SLC4A4: variants seen among roughly 807,000 people sequenced by gnomAD.
The protein encoded by SLC4A4 is solute carrier family 4 member 4, also known as electrogenic sodium bicarbonate cotransporter 1.
In SLC4A4, 27 loss-of-function variants were observed where a neutral mutation model predicts 111.5. The observed-to-expected ratio is 0.24, with a 90% confidence interval of 0.18 to 0.33. The LOEUF (loss-of-function observed/expected upper bound fraction) is 0.33. Ranked by LOEUF, SLC4A4 falls within the 10% of genes least tolerant of loss-of-function variation. The pLI is 1.00. For synonymous variants in SLC4A4, 443 were observed against 463.4 expected, an observed-to-expected ratio of 0.96 and a Z score of 0.57; for missense variants, 909 against 1,315.5, an observed-to-expected ratio of 0.69 and a Z score of 4.78.
intron 17 of SLC4A4, among the ~76,000 whole-genome samples, chr4:71,532,475 T>G (rs1167047497): frequency 1.3e-5 from 2 of 152,112 alleles, no homozygotes; most frequent in Admixed American, 1.3e-4. Context: ...ATATAATGAC[T>G]CTGGGAAATA....
At position 71,447,672 on chromosome 4, in the gene SLC4A4, A is replaced by G; in HGVS notation, c.992A>G (p.Lys331Arg). 1 of 1,612,610 alleles carries G rather than the reference A, an allele frequency of 6.2e-7. No individual in the cohort carries two copies. Among genetic ancestry groups the G allele is most frequent in the Non-Finnish European group, 8.5e-7 (1 of 1,178,900 alleles). The change falls in exon 9 of 26, where the codon AAG becomes AGG. Residue 331 changes from lysine to arginine, a missense_variant. Lys to Arg is a conservative substitution (Grantham distance 26, BLOSUM62 2). Transcript: ENST00000264485. ...TTCTTGTTCATTCTCTTAGGTCCTA[A>G]GGGGAAAGCCAAGTCCTACCACGAG... ...TRFLFILLGP[K>R]GKAKSYHEIG... is the part of the protein sequence containing the mutation.
intron 24 of SLC4A4, 129 bp from the exon 25 acceptor site, chr4:71,566,875 A>G: frequency 1.5e-6 from 1 of 658,212 alleles, no homozygotes. Flanking sequence ...TACCTTGTTT[A>G]TTGAAATGCC....
chr4:71,478,110 A>G (rs1728535568), intron 14 of SLC4A4, among the ~76,000 whole-genome samples: 1 of 151,922 alleles, frequency 6.6e-6, no homozygotes, highest in African/African-American at 2.4e-5. Context: ...AAAGTCAGGA[A>G]ATAGATGCTG....
intron 7 of SLC4A4, among the ~76,000 whole-genome samples, chr4:71,422,691 A>G (rs954099426): frequency 7.3e-5 from 11 of 151,460 alleles, no homozygotes; most frequent in African/African-American, 2.7e-4. Flanking sequence ...ATATACGCAA[A>G]TCAATAAATG....
intron 2 of SLC4A4, among the ~76,000 whole-genome samples, chr4:71,112,395 A>C (rs1395835458): frequency 1.3e-5 from 2 of 152,230 alleles, no homozygotes; most frequent in Admixed American, 1.3e-4. Flanking sequence ...AGTCGGGTTA[A>C]TTAGCATCAA....
chr4:71,097,410 T>C lies in SLC4A4; in HGVS notation c.-2+4618T>C, dbSNP rs548259528. ...ATGGTGTATATATACCACATTTTCT[T>C]TACCCATCTGTCACTGATGTGCATT... On this transcript the variant is annotated intron_variant, in intron 2 of 26. Coordinates refer to the SLC4A4 transcript ENST00000649996. 1.6e-3 allele frequency among the ~76,000 whole-genome samples: 239 copies of C among 152,358 alleles called. 1 individual carries two copies. The highest frequency in any genetic ancestry group is 5.2e-3 in the Admixed American group (80 of 15,302).
chr4:71,432,931 TTTTGA>T (rs1723774432), intron 7 of SLC4A4, among the ~76,000 whole-genome samples: 1 of 152,230 alleles, frequency 6.6e-6, no homozygotes, highest in East Asian at 1.9e-4. Flanking sequence ...TCACTGGTAC[TTTTGA>T]TTTGAGGGGA....
intron 5 of SLC4A4, among the ~76,000 whole-genome samples, chr4:71,355,268 T>A (rs1309859768): frequency 6.6e-6 from 1 of 152,188 alleles, no homozygotes; most frequent in Non-Finnish European, 1.5e-5. Context: ...AGTAGGAGTT[T>A]GATAACACTC....
chr4:71,333,059 A>G (rs1002548231), intron 3 of SLC4A4, among the ~76,000 whole-genome samples: 5 of 152,148 alleles, frequency 3.3e-5, no homozygotes, highest in African/African-American at 1.2e-4. Context: ...GTTTTCCTAG[A>G]TAGTCTTGAT....
intron 7 of SLC4A4, among the ~76,000 whole-genome samples, chr4:71,436,084 T>C (rs951454806): frequency 1.3e-5 from 2 of 152,240 alleles, no homozygotes; most frequent in Non-Finnish European, 2.9e-5. Flanking sequence ...TTATAAATCA[T>C]TCTGCTATAA....
chr4:71,350,555 C>G (rs1252479793), intron 5 of SLC4A4, among the ~76,000 whole-genome samples: 2 of 151,992 alleles, frequency 1.3e-5, no homozygotes, highest in Non-Finnish European at 2.9e-5. Context: ...ACTTCAGATG[C>G]ATGAAAAGTG....
At chr4:71,475,482 T>C (rs4525940) in intron 14 of SLC4A4, among the ~76,000 whole-genome samples, 2,185 of 151,994 alleles carry the variant, frequency 0.014, 56 homozygotes, top group East Asian at 0.088. Context: ...CTGACATAAG[T>C]GGTGATAGCT....
intron 7 of SLC4A4, among the ~76,000 whole-genome samples, chr4:71,398,497 C>G (rs1011713614): frequency 1.3e-5 from 2 of 151,802 alleles, no homozygotes; most frequent in African/African-American, 4.8e-5. Context: ...CCATTTTTGC[C>G]CAGCTACGTA....
intron 1 of SLC4A4, among the ~76,000 whole-genome samples, chr4:71,188,068 G>A (rs147681085): frequency 1.4e-4 from 21 of 152,346 alleles, no homozygotes; most frequent in African/African-American, 5.1e-4. Flanking sequence ...GTACTGGGCA[G>A]CATGTGAGTC....
chr4:71,170,273 G>A (rs1744900005), intron 2 of SLC4A4, among the ~76,000 whole-genome samples: 3 of 152,186 alleles, frequency 2.0e-5, no homozygotes, highest in Non-Finnish European at 4.4e-5. Context: ...CAGTGGCCTT[G>A]TCTATCTTGC....
chr4:71,208,608 G>A (rs556052823), intron 1 of SLC4A4, among the ~76,000 whole-genome samples: 113 of 1,952 alleles, frequency 0.058, 1 homozygote, highest in South Asian at 0.45. Context: ...GTAGAAGCAA[G>A]CCTTTTTTTT....
intron 7 of SLC4A4, among the ~76,000 whole-genome samples, chr4:71,401,821 C>T (rs1276146873): frequency 6.6e-6 from 1 of 152,092 alleles, no homozygotes; most frequent in Non-Finnish European, 1.5e-5. Context: ...ATGTCAACCT[C>T]AAGTGAAATT....
chr4:71,545,390 C>G (rs1009431172), intron 18 of SLC4A4, among the ~76,000 whole-genome samples: 2 of 151,910 alleles, frequency 1.3e-5, no homozygotes, highest in Non-Finnish European at 2.9e-5. Flanking sequence ...CTCTTTATTC[C>G]TTGGATTGGT....
chr4:71,485,493 T>TCCACCA (rs1729292271), intron 14 of SLC4A4, among the ~76,000 whole-genome samples: 1 of 151,704 alleles, frequency 6.6e-6, no homozygotes, highest in East Asian at 1.9e-4. Flanking sequence ...GCCTACTTGA[T>TCCACCA]CGTGGTGGAT....
Sources: allele counts gnomAD v4.1 joint callset (sites outside exome capture counted in the v4.1 genomes callset), GRCh38; gene constraint gnomAD v4.1.1; transcripts MANE v1.5; gene names NCBI Gene and HGNC (gene_info 2026-07-23, HGNC 2026-07-21).